USP42: variants seen among roughly 807,000 people sequenced by gnomAD.
USP42 encodes ubiquitin carboxyl-terminal hydrolase 42.
Under a neutral mutation model 113.0 loss-of-function variants are expected in USP42, and 23 were observed. The observed-to-expected ratio is 0.20, with a 90% CI of 0.15 to 0.29. The LOEUF is 0.29. Among genes scored for constraint, USP42 ranks in the 10% least tolerant of loss-of-function variants. USP42 has a pLI of 1.00. For missense variants in USP42, 2,174 were observed against 1,779.8 expected (o/e 1.22, Z -3.99); for synonymous variants, 933 against 699.0 (o/e 1.33, Z -5.28).
intron 3 of USP42, among the ~76,000 whole-genome samples, chr7:6,118,906 T>C (rs977839178): frequency 2.0e-5 from 3 of 152,154 alleles, no homozygotes; most frequent in African/African-American, 7.2e-5. Flanking sequence ...CACAATGTTT[T>C]GATTACTATA....
rs1363331559 is a variant in USP42 at position 6,155,136 on chromosome 7, G to C, written c.3582G>C (p.Lys1194Asn). The C allele has an allele frequency of 6.4e-7, 1 of 1,550,666 alleles. No homozygotes were observed. The highest frequency in any genetic ancestry group is 8.7e-7 in the Non-Finnish European group (1 of 1,148,520). ...CTCTAGAAGAGCCTAAAGCAAAGAA[G>C]CACAAAAAATCAAAGAAGAAAAAGA... ...KDPLEEPKAK[K>N]HKKSKKKKKS... Residue 1194 changes from lysine (K) to asparagine (N), a missense_variant, in exon 15 of 18, where the codon AAG becomes AAC. Transcript: ENST00000306177.
At chr7:6,155,335 G>A in intron 15 of USP42, 140 bp downstream of exon 15, 1 of 1,366,490 alleles carries the variant, frequency 7.3e-7, no homozygotes, top group Non-Finnish European at 9.5e-7. Context: ...CATTTCTGTG[G>A]GTTTTGAGAG....
chr7:6,153,471 T>C (rs1250277342), intron 14 of USP42, among the ~76,000 whole-genome samples: 1 of 152,084 alleles, frequency 6.6e-6, no homozygotes, highest in Non-Finnish European at 1.5e-5. Flanking sequence ...TTTCCAGAGA[T>C]AGTAGTACTA....
At chr7:6,152,036 A>G (rs545263948) in intron 14 of USP42, among the ~76,000 whole-genome samples, 1 of 152,242 alleles carries the variant, frequency 6.6e-6, no homozygotes, top group East Asian at 1.9e-4. Context: ...ACAATTTAAA[A>G]AAAAAATCAT....
rs779301604 is a variant in USP42 at position 6,139,772 on chromosome 7, G to A, written c.657-356G>A. On this transcript the variant is annotated intron_variant, in intron 5 of 17. Coordinates refer to ENST00000306177, the MANE Select transcript of USP42 (RefSeq NM_032172.3). The surrounding 1 kb of genome is among the most constrained non-coding windows in gnomAD (Gnocchi z 4.5). ...GTCCGGGTGATGACATACTTGGGTC[G>A]GAGGAAGACTCTCTGCCTTTTCCGC... 4 of 348,632 alleles carry A rather than the reference G, an allele frequency of 1.1e-5. No individual in the cohort carries two copies. The highest frequency in any genetic ancestry group is 1.4e-4 in the East Asian group (2 of 13,870). 21.6% of individuals were successfully genotyped at this position (348,632 alleles called of 1,614,324 possible).
chr7:6,146,039 G>T lies in USP42; in HGVS notation c.1132-109G>T, dbSNP rs1333318646. On this transcript the variant is annotated intron_variant, in intron 10 of 17. Coordinates refer to ENST00000306177, the MANE Select transcript of USP42 (RefSeq NM_032172.3). ...ATCACGCCACTGCACTCCAGCCTGG[G>T]TGACAGAGTGAGACTCCATCTCAAA... The T allele has an allele frequency of 3.5e-6, 3 of 867,014 alleles. No individual in the cohort carries two copies. The Admixed American group carries it at 8.2e-5, about 24-fold the overall frequency. 53.7% of individuals were successfully genotyped at this position (867,014 alleles called of 1,614,324 possible).
At chr7:6,111,439 T>A in intron 2 of USP42, 65 bp downstream of exon 2, 1 of 1,565,572 alleles carries the variant, frequency 6.4e-7, no homozygotes, top group Non-Finnish European at 8.7e-7. Context: ...TGGGGCTTGG[T>A]GGTTTCAGAG....
At position 6,161,409 on chromosome 7, in the gene USP42, T is replaced by C. The variant is rs570741606; in HGVS notation, c.*891T>C. The C allele has an allele frequency of 6.5e-6, 1 of 152,710 alleles. No individual in the cohort carries two copies. The highest frequency in any genetic ancestry group is 2.1e-4 in the South Asian group (1 of 4,816). The allele number at this position is 152,710 out of a possible 1,614,324, so 9.5% of individuals were successfully genotyped here. A position where few individuals can be genotyped will look rare whatever the true frequency, so the allele number is the denominator to read the frequency against. On this transcript the variant is annotated 3_prime_UTR_variant, in exon 18 of 18. Transcript: ENST00000306177. ...TGGGGAAAACTGTATTTAATACAGT[T>C]TGTATCTGAATAATCTGTATGGTTT...
In USP42 at chr7:6,150,043, A is replaced by C. The variant is rs1184188088; in HGVS notation, c.1847A>C (p.Asp616Ala). ...GGCGCCGAGTCCTCTGAGGACTCTG[A>C]CGAGGAGTCAAAGGGGCTGGGCAAG... ...PYGAESSEDS[D>A]EESKGLGKEN... The change falls in exon 13 of 18, where the codon GAC (aspartate) becomes GCC (alanine). Residue 616 changes from aspartate (D) to alanine (A), a missense_variant. Transcript: ENST00000306177. 6.2e-7 allele frequency: 1 copy of C among 1,610,848 alleles called. No individual in the cohort carries two copies. The highest frequency in any genetic ancestry group is 8.5e-7 in the Non-Finnish European group (1 of 1,178,486).
chr7:6,105,760 G>C lies in USP42; in HGVS notation c.-10+728G>C, dbSNP rs1255734602. Among the ~76,000 whole-genome samples the C allele has an allele frequency of 2.0e-5, 3 of 152,186 alleles. No homozygotes were observed. The East Asian group carries it at 5.8e-4, about 29-fold the overall frequency. ...AGGAAGAGCCAGCTTACCTGGAACG[G>C]GGGATCCGTTGCAGATGTTGGAAAT... On this transcript the variant is annotated intron_variant, in intron 1 of 17. Coordinates refer to ENST00000306177, the MANE Select transcript of USP42 (RefSeq NM_032172.3).
At chr7:6,142,840 T>A in intron 7 of USP42, 92 bp from the exon 8 acceptor site, 2 of 1,186,966 alleles carry the variant, frequency 1.7e-6, no homozygotes, top group Non-Finnish European at 2.5e-6. Flanking sequence ...GCTGTGATTG[T>A]GCCACTGCAC....
rs780762026 is a variant in USP42 at position 6,155,065 on chromosome 7, G to A, written c.3511G>A (p.Asp1171Asn). The change falls in exon 15 of 18, where the codon GAC (aspartate) becomes AAC (asparagine). Residue 1171 changes from aspartate to asparagine, a missense_variant. Physicochemically the swap from Asp to Asn is conservative, Grantham distance 23. Coordinates refer to ENST00000306177, the MANE Select transcript of USP42 (RefSeq NM_032172.3). Reference protein sequence around the residue: ...KRRHDSVENSDSHVEKKARRS... With the variant: ...KRRHDSVENSNSHVEKKARRS... ...GAGACACGACAGTGTGGAGAACAGTGACAGTCATGTTGAAAAGAAAGCCCG... is the reference window on the plus strand; with the variant it reads ...GAGACACGACAGTGTGGAGAACAGTAACAGTCATGTTGAAAAGAAAGCCCG... 2 of 1,563,382 alleles carry A rather than the reference G, an allele frequency of 1.3e-6. No homozygotes were observed. The highest frequency in any genetic ancestry group is 1.9e-5 in the Admixed American group (1 of 52,114).
chr7:6,097,894 T>TGTA, the USP42 span, among the ~76,000 whole-genome samples: 89 of 123,868 alleles, frequency 7.2e-4, no homozygotes, highest in Non-Finnish European at 9.8e-4. Flanking sequence ...CCGGCCTTCT[T>TGTA]TTTCTTTCTT....
intron 1 of USP42, among the ~76,000 whole-genome samples, chr7:6,109,258 A>G (rs1478772488): frequency 1.3e-5 from 2 of 152,194 alleles, no homozygotes; most frequent in African/African-American, 4.8e-5. Context: ...AAAAAAAACA[A>G]GACTTCAGCA....
chr7:6,138,057 T>C lies in USP42; in HGVS notation c.554-1035T>C, dbSNP rs550774414. Among the ~76,000 whole-genome samples, 5 of 152,338 alleles carry C rather than the reference T, an allele frequency of 3.3e-5. No homozygotes were observed. In the South Asian group the frequency reaches 1.0e-3, roughly 32 times the overall value. On this transcript the variant is annotated intron_variant, in intron 4 of 17. Coordinates refer to ENST00000306177, the MANE Select transcript of USP42 (RefSeq NM_032172.3). ...AACCTAGTCTTTTAAGAAAATGTCATTGCTCTGTGTGTGTGTGTATCCACT... is the reference window on the plus strand; with the variant it reads ...AACCTAGTCTTTTAAGAAAATGTCACTGCTCTGTGTGTGTGTGTATCCACT...
At chr7:6,126,142 T>C (rs1200543065) in intron 3 of USP42, among the ~76,000 whole-genome samples, 1 of 152,260 alleles carries the variant, frequency 6.6e-6, no homozygotes, top group Non-Finnish European at 1.5e-5. Context: ...ATTTCAACAG[T>C]GTTACGTGAA....
intron 9 of USP42, among the ~76,000 whole-genome samples, 172 bp downstream of exon 9, chr7:6,144,368 A>G (rs1046191615): frequency 1.3e-5 from 2 of 152,206 alleles, no homozygotes; most frequent in African/African-American, 4.8e-5. Flanking sequence ...GAGGGGATAC[A>G]GGGAGAGCCT....
chr7:6,109,465 T>C (rs1360055393), intron 1 of USP42, among the ~76,000 whole-genome samples: 2 of 152,172 alleles, frequency 1.3e-5, no homozygotes, highest in African/African-American at 4.8e-5. Context: ...TGATCTCGGC[T>C]CACTGCAATC....
At chr7:6,094,378 C>T in the USP42 span, among the ~76,000 whole-genome samples, 1 of 150,294 alleles carries the variant, frequency 6.7e-6, no homozygotes, top group South Asian at 2.1e-4. Flanking sequence ...CCTATATTGC[C>T]CAGGCTGGTC....
Sources: allele counts gnomAD v4.1 joint callset (sites outside exome capture counted in the v4.1 genomes callset), GRCh38; gene constraint gnomAD v4.1.1; non-coding constraint Gnocchi (gnomAD v3.1); transcripts MANE v1.5; gene names NCBI Gene and HGNC (gene_info 2026-07-23, HGNC 2026-07-21).